PC: variants seen among roughly 807,000 people sequenced by gnomAD.
PC encodes pyruvate carboxylase, mitochondrial.
A neutral mutation model predicts 107.8 loss-of-function variants in PC; 46 were observed. That is an observed-to-expected ratio of 0.43 (90% confidence interval 0.34 to 0.55). PC has a LOEUF of 0.55. PC is among the 20% of genes least tolerant of loss of function. The pLI is 0.04. For synonymous variants in PC, 662 were observed against 684.7 expected (o/e 0.97, Z 0.52); for missense variants, 1,241 against 1,643.1 (o/e 0.76, Z 4.23).
Position 66,852,390 on chromosome 11 carries a change from C to T in PC, c.1825+49G>A. The stretch of plus-strand genomic sequence containing the variant: ...TGGCCTAAGCCTGTGGGACTGGCCA[C>T]AGAGCGGGCGCCCATTCCTACCAGG... On this transcript the variant is annotated intron_variant, in intron 15 of 22. Coordinates refer to ENST00000393960, the MANE Select transcript of PC (RefSeq NM_001040716.2). The surrounding 1 kb of genome is among the most constrained non-coding windows in gnomAD (Gnocchi z 4.7). The T allele has an allele frequency of 1.4e-6, 2 of 1,471,316 alleles. No homozygotes were observed. The highest frequency in any genetic ancestry group is 1.9e-6 in the Non-Finnish European group (2 of 1,050,556). 91.1% of individuals were successfully genotyped at this position (1,471,316 alleles called of 1,614,324 possible).
At chr11:66,930,022 G>A (rs575573892) in intron 3 of PC, among the ~76,000 whole-genome samples, 1 of 152,088 alleles carries the variant, frequency 6.6e-6, no homozygotes, top group South Asian at 2.1e-4. Flanking sequence ...AGCCACGGTG[G>A]GAAATCTAAA....
rs1946728323 is a variant in PC at position 66,871,467 on chromosome 11, T to C, written c.335A>G (p.Asp112Gly). Residue 112 changes from aspartate to glycine, a missense_variant, in exon 6 of 23, where the codon GAT becomes GGT. Physicochemically the swap from Asp to Gly is moderately conservative, Grantham distance 94 (BLOSUM62 -1). Around this residue, in one of 2 missense-constraint regions of PC, gnomAD observed 1,143 missense variants for 1,551.9 expected, o/e 0.74. Coordinates refer to ENST00000393960, the MANE Select transcript of PC (RefSeq NM_001040716.2). This position sits in a 1 kb window ranked among gnomAD's most constrained non-coding sequence, Gnocchi z 7.4. ...IIKVAKENNV[D>G]AVHPGYGFLS... ...GAACCCGTAGCCAGGGTGCACTGCA[T>C]CTACGTTGTTCTCCTGCAGGTGGGG... is the stretch of plus-strand genomic sequence containing the variant. The C allele has an allele frequency of 6.2e-7, 1 of 1,613,326 alleles. No homozygotes were observed. The highest frequency in any genetic ancestry group is 8.5e-7 in the Non-Finnish European group (1 of 1,180,014).
chr11:66,940,515 C>T (rs560590916), intron 3 of PC, among the ~76,000 whole-genome samples: 3 of 151,464 alleles, frequency 2.0e-5, no homozygotes, highest in East Asian at 2.0e-4. Flanking sequence ...TGGTGAAACG[C>T]TGTCTCCACA....
In PC at chr11:66,857,808, G is replaced by C; in HGVS notation, c.1369-4425C>G. The C allele has an allele frequency of 6.2e-7, 1 of 1,601,218 alleles. No homozygotes were observed. The highest frequency in any genetic ancestry group is 8.5e-7 in the Non-Finnish European group (1 of 1,179,336). On this transcript the variant is annotated intron_variant, in intron 12 of 22. Transcript: ENST00000393960. This position sits in a 1 kb window ranked among gnomAD's most constrained non-coding sequence, Gnocchi z 7.1. The stretch of plus-strand genomic sequence containing the variant: ...AGCGGCCGCCTGCCCGCTGCCCTGC[G>C]TCTGCCAGAACCTGTCCGAGTCGCT...
In PC at chr11:66,857,630, C is replaced by G; in HGVS notation, c.1369-4247G>C. On this transcript the variant is annotated intron_variant, in intron 12 of 22. Transcript: ENST00000393960. This position sits in a 1 kb window ranked among gnomAD's most constrained non-coding sequence, Gnocchi z 7.1. ...CCCTCTTGGGCCTCTGACCCAGCCC[C>G]TCCCCGGGCCAGGCTCACAGAAGCT... 8.1e-7 allele frequency: 1 copy of G among 1,236,848 alleles called. No homozygotes were observed. The highest frequency in any genetic ancestry group is 1.6e-5 in the South Asian group (1 of 63,950). 76.6% of individuals were successfully genotyped at this position (1,236,848 alleles called of 1,614,324 possible).
intron 3 of PC, among the ~76,000 whole-genome samples, chr11:66,900,272 C>G (rs1947901543): frequency 6.7e-6 from 1 of 149,844 alleles, no homozygotes; most frequent in Non-Finnish European, 1.5e-5. Flanking sequence ...GCTCTGACTC[C>G]CGGGTTCACG....
chr11:66,893,555 T>C (rs1344597062), intron 3 of PC, among the ~76,000 whole-genome samples: 1 of 152,208 alleles, frequency 6.6e-6, no homozygotes, highest in Non-Finnish European at 1.5e-5. Context: ...TTCTGCAACA[T>C]GAATTAATCT....
intron 3 of PC, chr11:66,907,824 G>A (rs1320388842): frequency 3.9e-5 from 6 of 152,400 alleles, no homozygotes; most frequent in Non-Finnish European, 7.3e-5. Flanking sequence ...CTCTTACCAC[G>A]GCAGTTGGTC....
At chr11:66,942,787 CG>C (rs1565302251) in intron 3 of PC, among the ~76,000 whole-genome samples, 1 of 151,768 alleles carries the variant, frequency 6.6e-6, no homozygotes, top group East Asian at 1.9e-4. Flanking sequence ...CCGAGGCGGG[CG>C]GATCACCTGA....
intron 3 of PC, among the ~76,000 whole-genome samples, chr11:66,925,718 T>C (rs1565290944): frequency 1.3e-5 from 2 of 151,984 alleles, no homozygotes; most frequent in Non-Finnish European, 2.9e-5. Flanking sequence ...ATCACAAGGG[T>C]ATTGATTGGG....
intron 3 of PC, among the ~76,000 whole-genome samples, chr11:66,922,867 CAG>C (rs1948626437): frequency 6.6e-6 from 1 of 152,186 alleles, no homozygotes; most frequent in South Asian, 2.1e-4. Flanking sequence ...TTAGCTAAAA[CAG>C]GGGTCTCAGA....
chr11:66,932,548 G>T (rs1948886439), intron 3 of PC, among the ~76,000 whole-genome samples: 1 of 152,192 alleles, frequency 6.6e-6, no homozygotes, highest in South Asian at 2.1e-4. Context: ...TCTCGCAGAT[G>T]CAGTGGCCGA....
rs1028163083 is a variant in PC at position 66,857,807 on chromosome 11, C to T, written c.1369-4424G>A. 2.5e-6 allele frequency: 4 copies of T among 1,601,090 alleles called. No homozygotes were observed. Among genetic ancestry groups the T allele is most frequent in the Admixed American group, 1.7e-5 (1 of 59,972 alleles). ...GAGCGGCCGCCTGCCCGCTGCCCTG[C>T]GTCTGCCAGAACCTGTCCGAGTCGC... On this transcript the variant is annotated intron_variant, in intron 12 of 22. Coordinates refer to ENST00000393960, the MANE Select transcript of PC (RefSeq NM_001040716.2). This position sits in a 1 kb window ranked among gnomAD's most constrained non-coding sequence, Gnocchi z 7.1.
chr11:66,873,486 A>G (rs1275259072), intron 3 of PC, among the ~76,000 whole-genome samples: 1 of 63,374 alleles, frequency 1.6e-5, no homozygotes, highest in South Asian at 3.8e-4. Flanking sequence ...AATATATAAT[A>G]TTATATATAT....
intron 11 of PC, among the ~76,000 whole-genome samples, chr11:66,865,387 T>C (rs1435094714): frequency 1.3e-5 from 2 of 152,218 alleles, no homozygotes; most frequent in Non-Finnish European, 1.5e-5. Context: ...GGCCCCTGGA[T>C]AGGGAGCAAG....
intron 3 of PC, among the ~76,000 whole-genome samples, chr11:66,883,185 A>AG (rs1264283892): frequency 6.6e-6 from 1 of 152,160 alleles, no homozygotes; most frequent in African/African-American, 2.4e-5. Flanking sequence ...GGTGGCACCG[A>AG]GGCGACTGGC....
Position 66,857,825 on chromosome 11 carries a change from C to T in PC, c.1369-4442G>A, listed in dbSNP as rs750009283. 32 of 1,604,274 alleles carry T rather than the reference C, an allele frequency of 2.0e-5. No individual in the cohort carries two copies. Among genetic ancestry groups the T allele is most frequent in the East Asian group, 4.5e-5 (2 of 44,876 alleles). ...TGCCCTGCGTCTGCCAGAACCTGTCCGAGTCGCTCAGCACCCTCTGTGCCC... is the reference window on the plus strand; with the variant it reads ...TGCCCTGCGTCTGCCAGAACCTGTCTGAGTCGCTCAGCACCCTCTGTGCCC... On this transcript the variant is annotated intron_variant, in intron 12 of 22. Coordinates refer to ENST00000393960, the MANE Select transcript of PC (RefSeq NM_001040716.2). This position sits in a 1 kb window ranked among gnomAD's most constrained non-coding sequence, Gnocchi z 7.1.
At position 66,850,822 on chromosome 11, in the gene PC, C is replaced by T. The variant is rs371093155; in HGVS notation, c.2325G>A (p.Thr775=). Residue 775 remains threonine (T), a synonymous_variant, in exon 18 of 23, where the codon ACG becomes ACA. Transcript: ENST00000393960. ...GCATGGCTGCCACGCCTGCCCCTGA[C>T]GTGTCGTGGGTGTGGATGTGCAGTG... ...DLPLHIHTHD[T]SGAGVAAMLA... 3.0e-4 allele frequency: 476 copies of T among 1,612,050 alleles called. 1 individual carries two copies. Among genetic ancestry groups the T allele is most frequent in the Non-Finnish European group, 3.5e-4 (409 of 1,180,026 alleles).
chr11:66,882,804 G>C (rs1290288751), intron 3 of PC, among the ~76,000 whole-genome samples: 1 of 152,172 alleles, frequency 6.6e-6, no homozygotes, highest in African/African-American at 2.4e-5. Context: ...TGTCCGACGG[G>C]CCCCAGGGCT....
Sources: gnomAD v4.1 joint callset for allele counts (sites outside exome capture counted in the v4.1 genomes callset) on GRCh38, gnomAD v4.1.1 for gene constraint, gnomAD v4.1.1 regional missense constraint, Gnocchi (gnomAD v3.1) non-coding constraint, MANE v1.5 for transcripts, NCBI Gene and HGNC (gene_info 2026-07-23, HGNC 2026-07-21) for gene names.